The following ROBO2 variants were observed in gnomAD, a reference collection of about 807,000 sequenced individuals.
ROBO2 encodes roundabout guidance receptor 2, also known as roundabout homolog 2.
A neutral mutation model predicts 160.8 loss-of-function variants in ROBO2; 53 were observed. The observed-to-expected ratio is 0.33, with a 90% CI of 0.26 to 0.41. The LOEUF (loss-of-function observed/expected upper bound fraction) is 0.41, where lower values mean the gene tolerates loss of function less well. Ranked by LOEUF, ROBO2 falls within the 10% of genes least tolerant of loss-of-function variation. The pLI is 1.00. For missense variants in ROBO2, 1,577 were observed against 1,722.4 expected (o/e 0.92, Z 1.49); for synonymous variants, 664 against 611.7 (o/e 1.09, Z -1.26).
intron 2 of ROBO2, among the ~76,000 whole-genome samples, chr3:76,187,282 T>A (rs998011288): frequency 6.6e-6 from 1 of 152,074 alleles, no homozygotes; most frequent in Non-Finnish European, 1.5e-5. Flanking sequence ...TGTTTTGTTC[T>A]ATTTTTTAAT....
At chr3:76,346,960 T>C (rs1402550399) in intron 2 of ROBO2, among the ~76,000 whole-genome samples, 1 of 152,166 alleles carries the variant, frequency 6.6e-6, no homozygotes, top group African/African-American at 2.4e-5. Context: ...CTGATAGATA[T>C]AAGCACAGCT....
intron 2 of ROBO2, among the ~76,000 whole-genome samples, chr3:77,276,921 A>G (rs958811627): frequency 7.2e-5 from 11 of 152,132 alleles, no homozygotes; most frequent in African/African-American, 2.4e-4. Flanking sequence ...CATAAGACGC[A>G]TTTACTACCA....
At chr3:76,084,237 G>A (rs952836743) in intron 2 of ROBO2, among the ~76,000 whole-genome samples, 5 of 152,018 alleles carry the variant, frequency 3.3e-5, no homozygotes, top group African/African-American at 4.8e-5. Context: ...AGTTGTGTAC[G>A]CTCTTCATAT....
intron 1 of ROBO2, among the ~76,000 whole-genome samples, chr3:77,043,765 T>TA (rs1272982064): frequency 6.6e-6 from 1 of 152,166 alleles, no homozygotes; most frequent in Non-Finnish European, 1.5e-5. Context: ...ATGCCATATA[T>TA]TACATCAATC....
intron 6 of ROBO2, among the ~76,000 whole-genome samples, chr3:77,540,772 CTGAG>C (rs1447919757): frequency 6.6e-6 from 1 of 152,108 alleles, no homozygotes; most frequent in Non-Finnish European, 1.5e-5. Flanking sequence ...TACTCATGCC[CTGAG>C]TAAGATTCAG....
intron 2 of ROBO2, among the ~76,000 whole-genome samples, chr3:76,272,862 A>G (rs1707590906): frequency 1.1e-5 from 1 of 88,360 alleles, no homozygotes; most frequent in African/African-American, 4.9e-5. Flanking sequence ...TATAAAATAT[A>G]TAAAATATAT....
chr3:76,002,392 C>T (rs549003449), intron 2 of ROBO2, among the ~76,000 whole-genome samples: 61 of 151,900 alleles, frequency 4.0e-4, no homozygotes, highest in Admixed American at 1.9e-3. Flanking sequence ...GGGAGGGACC[C>T]GGTGGGAGGT....
chr3:76,005,624 T>C (rs982321656), intron 2 of ROBO2, among the ~76,000 whole-genome samples: 2 of 152,230 alleles, frequency 1.3e-5, no homozygotes, highest in African/African-American at 2.4e-5. Context: ...ACACTTTTGA[T>C]AAGCCAATAA....
At chr3:76,670,009 T>C (rs1049589538) in intron 2 of ROBO2, among the ~76,000 whole-genome samples, 2 of 152,188 alleles carry the variant, frequency 1.3e-5, no homozygotes, top group African/African-American at 4.8e-5. Flanking sequence ...CTAATTTGTA[T>C]TGATGCAATT....
intron 4 of ROBO2, among the ~76,000 whole-genome samples, chr3:77,485,912 A>G (rs1426068709): frequency 6.6e-6 from 1 of 152,074 alleles, no homozygotes; most frequent in Non-Finnish European, 1.5e-5. Flanking sequence ...TCCATTAGCT[A>G]TTCTTTCTGA....
intron 2 of ROBO2, among the ~76,000 whole-genome samples, chr3:76,143,955 G>T (rs2071787947): frequency 6.6e-6 from 1 of 151,668 alleles, no homozygotes; most frequent in African/African-American, 2.4e-5. Context: ...CTCTTATTCT[G>T]CCTTTTTTTT....
intron 2 of ROBO2, among the ~76,000 whole-genome samples, chr3:76,357,046 A>G (rs2075212512): frequency 2.6e-5 from 4 of 151,922 alleles, no homozygotes; most frequent in Admixed American, 2.0e-4. Flanking sequence ...ACTGAGAACT[A>G]TTTAAAAAAA....
intron 2 of ROBO2, among the ~76,000 whole-genome samples, chr3:76,751,593 A>G (rs114913571): frequency 0.31 from 47,847 of 152,064 alleles, 9,335 homozygotes; most frequent in Non-Finnish European, 0.43. Flanking sequence ...TAAATTTATA[A>G]GAGAAAATCA....
chr3:76,495,517 A>C (rs969252950), intron 2 of ROBO2, among the ~76,000 whole-genome samples: 3 of 152,006 alleles, frequency 2.0e-5, no homozygotes, highest in African/African-American at 7.2e-5. Context: ...TTCACTAGCA[A>C]TCATCAATCT....
chr3:77,258,906 T>C lies in ROBO2; in HGVS notation c.388+160566T>C, dbSNP rs74645419. Among the ~76,000 whole-genome samples the C allele has an allele frequency of 4.7e-3, 722 of 152,340 alleles. 7 individuals carry two copies. The highest frequency in any genetic ancestry group is 0.017 in the African/African-American group (690 of 41,574). On this transcript the variant is annotated intron_variant, in intron 2 of 25. Coordinates refer to ENST00000461745, the Ensembl canonical transcript of ROBO2. ...GAGTTTCCTTACATACAAATCCTTC[T>C]TGATTGGATGGTGCTGGATTCTGTC... is the stretch of plus-strand genomic sequence containing the variant.
At chr3:76,604,618 A>G (rs1330620259) in intron 2 of ROBO2, among the ~76,000 whole-genome samples, 3 of 152,170 alleles carry the variant, frequency 2.0e-5, no homozygotes, top group Non-Finnish European at 4.4e-5. Context: ...GAACATTTTA[A>G]TAGAAATATT....
intron 2 of ROBO2, among the ~76,000 whole-genome samples, chr3:76,353,828 T>C (rs946451742): frequency 3.3e-5 from 5 of 151,888 alleles, no homozygotes; most frequent in African/African-American, 1.2e-4. Flanking sequence ...AACACCTAAA[T>C]TCTTTCTTTT....
chr3:76,170,775 A>AC (rs1490263007), intron 2 of ROBO2, among the ~76,000 whole-genome samples: 1 of 152,172 alleles, frequency 6.6e-6, no homozygotes, highest in Non-Finnish European at 1.5e-5. Flanking sequence ...TACATATATC[A>AC]CTTAGATTAT....
chr3:77,561,780 T>A (rs1325485609), intron 9 of ROBO2, among the ~76,000 whole-genome samples: 3 of 152,064 alleles, frequency 2.0e-5, no homozygotes, highest in Non-Finnish European at 4.4e-5. Context: ...AATATTGAAG[T>A]TTTTAAATGA....
Sources: allele counts gnomAD v4.1 joint callset (sites outside exome capture counted in the v4.1 genomes callset), GRCh38; gene constraint gnomAD v4.1.1; transcripts MANE v1.5; gene names NCBI Gene and HGNC (gene_info 2026-07-23, HGNC 2026-07-21).